The following LRMDA variants were observed in gnomAD, a reference collection of about 807,000 sequenced individuals.
LRMDA encodes leucine-rich melanocyte differentiation-associated protein.
Under a neutral mutation model 29.8 loss-of-function variants are expected in LRMDA, and 18 were observed. The observed-to-expected ratio is 0.60, with a 90% CI of 0.42 to 0.90. LRMDA has a LOEUF of 0.90. Ranked by LOEUF, LRMDA falls within the 40% of genes least tolerant of loss-of-function variation. LRMDA has a pLI of 0.00. For missense variants in LRMDA, 273 were observed against 273.9 expected (o/e 1.00, Z 0.02); for synonymous variants, 125 against 109.4 (o/e 1.14, Z -0.89).
At chr10:75,517,057 A>G (rs963070592) in intron 2 of LRMDA, among the ~76,000 whole-genome samples, 1 of 152,078 alleles carries the variant, frequency 6.6e-6, no homozygotes, top group African/African-American at 2.4e-5. Context: ...CCATTGATCT[A>G]TCTCTCTGTT....
chr10:76,313,808 A>G (rs1193701422), intron 5 of LRMDA, among the ~76,000 whole-genome samples: 2 of 151,998 alleles, frequency 1.3e-5, no homozygotes, highest in East Asian at 1.9e-4. Context: ...ATTCCATACA[A>G]TCACTTAATT....
At position 76,324,493 on chromosome 10, in the gene LRMDA, C is replaced by A; in HGVS notation, c.601+8C>A. The stretch of plus-strand genomic sequence containing the variant: ...AACTCACCAGTCACCAAGGTTGGAA[C>A]TCAGCTTTTTATTGCTCTCAGTGGG... On this transcript the variant is annotated splice_region_variant and intron_variant, in intron 6 of 6. Transcript: ENST00000611255. 4 of 1,613,844 alleles carry A rather than the reference C, an allele frequency of 2.5e-6. No homozygotes were observed. Among genetic ancestry groups the A allele is most frequent in the Non-Finnish European group, 3.4e-6 (4 of 1,179,792 alleles).
At chr10:76,269,233 C>A (rs917243782) in intron 5 of LRMDA, among the ~76,000 whole-genome samples, 2 of 152,004 alleles carry the variant, frequency 1.3e-5, no homozygotes, top group Admixed American at 1.3e-4. Context: ...AGTAATCGAA[C>A]CCCCCATCTC....
chr10:76,025,320 C>A (rs1331422374), intron 2 of LRMDA, among the ~76,000 whole-genome samples: 1 of 148,062 alleles, frequency 6.8e-6, no homozygotes, highest in Non-Finnish European at 1.5e-5. Flanking sequence ...CTCCTTGTCT[C>A]TGTCCTTAGG....
intron 6 of LRMDA, among the ~76,000 whole-genome samples, chr10:76,372,657 C>G (rs549856192): frequency 3.3e-5 from 1 of 30,188 alleles, no homozygotes; most frequent in South Asian, 6.1e-4. Flanking sequence ...AAAAAGAAAT[C>G]CTTAATTCCC....
intron 2 of LRMDA, among the ~76,000 whole-genome samples, chr10:75,576,007 C>T (rs1840501554): frequency 6.6e-6 from 1 of 151,626 alleles, no homozygotes; most frequent in Non-Finnish European, 1.5e-5. Context: ...CCTGGAATGC[C>T]AGTGAGACAG....
intron 6 of LRMDA, among the ~76,000 whole-genome samples, chr10:76,469,905 G>A (rs1842601021): frequency 6.6e-6 from 1 of 151,972 alleles, no homozygotes; most frequent in African/African-American, 2.4e-5. Context: ...CCAAAACACT[G>A]TCATCATCCC....
intron 2 of LRMDA, among the ~76,000 whole-genome samples, chr10:75,563,048 C>G (rs1400774997): frequency 6.6e-6 from 1 of 152,016 alleles, no homozygotes; most frequent in African/African-American, 2.4e-5. Flanking sequence ...GTGGTGGTCT[C>G]TGTATTTCTT....
rs571147658 is a variant in LRMDA at position 75,615,616 on chromosome 10, T to C, written c.131+177122T>C. ...TATTTGAACTAGAATCCCTAAATAT[T>C]GTTGAGTAGAGTACTTATTCTAATG... is the stretch of plus-strand genomic sequence containing the variant. On this transcript the variant is annotated intron_variant, in intron 2 of 6. Coordinates refer to ENST00000611255, the MANE Select transcript of LRMDA (RefSeq NM_001305581.2). 3.9e-5 allele frequency among the ~76,000 whole-genome samples: 6 copies of C among 152,322 alleles called. No individual in the cohort carries two copies. In the South Asian group the frequency reaches 1.0e-3, roughly 26 times the overall value.
chr10:76,275,503 A>G (rs1156583269), intron 5 of LRMDA, among the ~76,000 whole-genome samples: 2 of 152,046 alleles, frequency 1.3e-5, no homozygotes, highest in African/African-American at 4.8e-5. Context: ...GTCTTAAATT[A>G]TCTAATTATT....
At chr10:76,173,847 A>T (rs1384875740) in intron 5 of LRMDA, among the ~76,000 whole-genome samples, 1 of 152,106 alleles carries the variant, frequency 6.6e-6, no homozygotes, top group Admixed American at 6.5e-5. Flanking sequence ...TTTTTAGTGG[A>T]GATGGGGTTT....
intron 2 of LRMDA, among the ~76,000 whole-genome samples, chr10:75,928,920 T>A (rs1165986684): frequency 6.6e-6 from 1 of 152,206 alleles, no homozygotes; most frequent in Non-Finnish European, 1.5e-5. Flanking sequence ...ACTGCCTGTA[T>A]CTGCTTTACA....
intron 2 of LRMDA, among the ~76,000 whole-genome samples, chr10:75,979,915 T>C (rs1847136705): frequency 6.6e-6 from 1 of 152,240 alleles, no homozygotes; most frequent in South Asian, 2.1e-4. Flanking sequence ...CCTCTCTGGG[T>C]CATTTATTTT....
chr10:75,715,757 G>A (rs1044723013), intron 2 of LRMDA, among the ~76,000 whole-genome samples: 1 of 151,916 alleles, frequency 6.6e-6, no homozygotes, highest in African/African-American at 2.4e-5. Context: ...ATGACTGAGA[G>A]TTATCTGTCT....
chr10:75,960,917 GT>G (rs57660593), intron 2 of LRMDA, among the ~76,000 whole-genome samples: 2,510 of 152,176 alleles, frequency 0.016, 79 homozygotes, highest in African/African-American at 0.057. Flanking sequence ...ACCCGGCCTG[GT>G]TTTAATCCAA....
intron 2 of LRMDA, among the ~76,000 whole-genome samples, chr10:75,627,517 C>T (rs1457073535): frequency 6.6e-6 from 1 of 152,178 alleles, no homozygotes; most frequent in Admixed American, 6.5e-5. Context: ...GTTTGGGCCA[C>T]AGATGGGATT....
chr10:75,703,560 G>C (rs896826755), intron 2 of LRMDA, among the ~76,000 whole-genome samples: 1 of 152,176 alleles, frequency 6.6e-6, no homozygotes, highest in Admixed American at 6.5e-5. Context: ...GGATTTGTGT[G>C]ATATACAGCT....
At chr10:76,332,382 GTC>G (rs143484260) in intron 6 of LRMDA, among the ~76,000 whole-genome samples, 2,042 of 152,304 alleles carry the variant, frequency 0.013, 28 homozygotes, top group African/African-American at 0.035. Flanking sequence ...TTCATTTGCA[GTC>G]TCTGAGATTG....
At chr10:76,423,860 C>G (rs1300527922) in intron 6 of LRMDA, among the ~76,000 whole-genome samples, 2 of 152,144 alleles carry the variant, frequency 1.3e-5, no homozygotes, top group Non-Finnish European at 2.9e-5. Context: ...TTCTCAGATA[C>G]AGAATATGAG....
Sources: allele counts gnomAD v4.1 joint callset (sites outside exome capture counted in the v4.1 genomes callset), GRCh38; gene constraint gnomAD v4.1.1; transcripts MANE v1.5; gene names NCBI Gene and HGNC (gene_info 2026-07-23, HGNC 2026-07-21).